GRID1: variants seen among roughly 807,000 people sequenced by gnomAD.
GRID1 encodes glutamate receptor ionotropic, delta-1.
Under a neutral mutation model 98.0 loss-of-function variants are expected in GRID1, and 28 were observed. The observed-to-expected ratio is 0.29, with a 90% CI of 0.21 to 0.39. The LOEUF (loss-of-function observed/expected upper bound fraction) is 0.39, where lower values mean the gene tolerates loss of function less well. Among genes scored for constraint, GRID1 ranks in the 10% least tolerant of loss-of-function variants. GRID1 has a pLI of 1.00. For synonymous variants in GRID1, 553 were observed against 538.5 expected, an observed-to-expected ratio of 1.03 and a Z score of -0.37; for missense variants, 1,111 against 1,340.5, an observed-to-expected ratio of 0.83 and a Z score of 2.67.
chr10:86,103,582 C>T (rs575653431), intron 4 of GRID1, among the ~76,000 whole-genome samples: 16 of 152,212 alleles, frequency 1.1e-4, no homozygotes, highest in Non-Finnish European at 1.6e-4. Flanking sequence ...AGACAGGCCC[C>T]GGAGGAAGAG....
chr10:85,881,124 G>T lies in GRID1; in HGVS notation c.781-11944C>A, dbSNP rs552785315. On this transcript the variant is annotated intron_variant, in intron 5 of 15. Transcript: ENST00000327946. ...AACCACTGCTCAATGAAATAAAAGA[G>T]GATACAAAGAAATGGAAGAACATTC... Among the ~76,000 whole-genome samples, 466 of 152,218 alleles carry T rather than the reference G, an allele frequency of 3.1e-3. 2 individuals are homozygous for T. The highest frequency in any genetic ancestry group is 0.014 in the Middle Eastern group (4 of 294).
chr10:86,073,149 T>A (rs982550192), intron 4 of GRID1, among the ~76,000 whole-genome samples: 1 of 152,234 alleles, frequency 6.6e-6, no homozygotes, highest in Admixed American at 6.5e-5. Context: ...CCCCCAGATA[T>A]TGCAGTAAGT....
chr10:85,646,490 T>A (rs1292519144), intron 13 of GRID1: 1 of 152,344 alleles, frequency 6.6e-6, no homozygotes. Flanking sequence ...GAGTCATGAG[T>A]CAGAGCCACC....
At chr10:85,778,586 T>C (rs767357803) in intron 8 of GRID1, among the ~76,000 whole-genome samples, 4 of 152,154 alleles carry the variant, frequency 2.6e-5, no homozygotes, top group Non-Finnish European at 5.9e-5. Flanking sequence ...AACAAAACAA[T>C]TTCAGGGCAA....
At chr10:85,889,334 C>A (rs1841162108) in intron 5 of GRID1, among the ~76,000 whole-genome samples, 2 of 152,272 alleles carry the variant, frequency 1.3e-5, no homozygotes, top group South Asian at 4.1e-4. Flanking sequence ...TCCAATCTCC[C>A]CTTACCCCTC....
chr10:86,090,573 G>A (rs1266591622), intron 4 of GRID1, among the ~76,000 whole-genome samples: 1 of 151,950 alleles, frequency 6.6e-6, no homozygotes, highest in Non-Finnish European at 1.5e-5. Flanking sequence ...AGTCCTGGAA[G>A]GAAAGGAGAA....
chr10:86,246,818 C>G (rs1266438063), intron 2 of GRID1, among the ~76,000 whole-genome samples: 2 of 152,378 alleles, frequency 1.3e-5, no homozygotes, highest in African/African-American at 2.4e-5. Context: ...CCTCCCCCAG[C>G]CAGTGCTGGC....
chr10:85,659,365 G>C (rs1477025860), intron 12 of GRID1, among the ~76,000 whole-genome samples: 2 of 152,208 alleles, frequency 1.3e-5, no homozygotes, highest in African/African-American at 4.8e-5. Flanking sequence ...GAGTGGTTGT[G>C]AGTTCCTCAG....
chr10:85,854,364 A>G, intron 8 of GRID1, 132 bp downstream of exon 8: 2 of 807,402 alleles, frequency 2.5e-6, no homozygotes, highest in Non-Finnish European at 4.1e-6. Flanking sequence ...TGGTAGCATC[A>G]GCAGAGAGAG....
At chr10:85,781,154 G>T (rs564469435) in intron 8 of GRID1, among the ~76,000 whole-genome samples, 46 of 152,288 alleles carry the variant, frequency 3.0e-4, no homozygotes, top group Non-Finnish European at 6.0e-4. Flanking sequence ...GTGCTTCTAG[G>T]ATTAAAAGCT....
chr10:86,013,345 G>C (rs1428268871), intron 4 of GRID1, among the ~76,000 whole-genome samples: 1 of 152,190 alleles, frequency 6.6e-6, no homozygotes, highest in African/African-American at 2.4e-5. Flanking sequence ...CTATTTGAAA[G>C]GTACAAAGCA....
In GRID1 at chr10:86,340,919, C is replaced by T. The variant is rs77866916; in HGVS notation, c.235+23022G>A. Among the ~76,000 whole-genome samples the T allele has an allele frequency of 5.1e-3, 776 of 152,268 alleles. 13 individuals are homozygous for T. Among genetic ancestry groups the T allele is most frequent in the African/African-American group, 0.018 (734 of 41,532 alleles). On this transcript the variant is annotated intron_variant, in intron 2 of 15. Transcript: ENST00000327946. ...CAGGAGCCTACTCCTGCTCAGGCCT[C>T]CTCCTAGTCAAGGACCACAGGCAGC...
At chr10:85,629,208 T>C (rs1842945953) in intron 13 of GRID1, among the ~76,000 whole-genome samples, 1 of 152,200 alleles carries the variant, frequency 6.6e-6, no homozygotes, top group Admixed American at 6.5e-5. Flanking sequence ...CAATCCCTTT[T>C]TTTCCATGAG....
intron 2 of GRID1, among the ~76,000 whole-genome samples, chr10:86,331,626 G>C (rs1312115382): frequency 2.6e-5 from 4 of 152,186 alleles, no homozygotes; most frequent in Non-Finnish European, 4.4e-5. Context: ...TGGGACCCCA[G>C]GAGCAGGGGG....
intron 12 of GRID1, among the ~76,000 whole-genome samples, chr10:85,671,618 C>T (rs1237576776): frequency 1.3e-5 from 2 of 152,134 alleles, no homozygotes; most frequent in African/African-American, 4.8e-5. Flanking sequence ...GATTAATAAT[C>T]TTAAAATGGC....
intron 4 of GRID1, among the ~76,000 whole-genome samples, chr10:86,100,461 G>A (rs1422214714): frequency 2.0e-5 from 3 of 152,072 alleles, no homozygotes; most frequent in African/African-American, 7.2e-5. Flanking sequence ...TTACACTCCA[G>A]TGAGTGGAAG....
chr10:86,111,261 C>T (rs889474272), intron 4 of GRID1, among the ~76,000 whole-genome samples: 3 of 152,180 alleles, frequency 2.0e-5, no homozygotes, highest in Non-Finnish European at 4.4e-5. Context: ...TTGGCCACAG[C>T]AAGTCACAGG....
intron 2 of GRID1, among the ~76,000 whole-genome samples, chr10:86,211,743 G>A (rs1846110936): frequency 6.6e-6 from 1 of 152,128 alleles, no homozygotes; most frequent in African/African-American, 2.4e-5. Context: ...AGTGCTAGTT[G>A]CTTGGCCAGG....
intron 12 of GRID1, among the ~76,000 whole-genome samples, chr10:85,668,585 T>C (rs1220269778): frequency 2.0e-5 from 3 of 152,136 alleles, no homozygotes; most frequent in African/African-American, 7.2e-5. Flanking sequence ...TTAGAAATCT[T>C]CTTATAAAAT....
Sources: gnomAD v4.1 joint callset for allele counts (sites outside exome capture counted in the v4.1 genomes callset) on GRCh38, gnomAD v4.1.1 for gene constraint, MANE v1.5 for transcripts, NCBI Gene and HGNC (gene_info 2026-07-23, HGNC 2026-07-21) for gene names.